The following TAOK3 variants were observed in gnomAD, a reference collection of about 807,000 sequenced individuals.
TAOK3 encodes the protein serine/threonine-protein kinase TAO3.
A neutral mutation model predicts 120.4 loss-of-function variants in TAOK3; 40 were observed. The observed-to-expected ratio is 0.33, with a 90% CI of 0.26 to 0.43. TAOK3 has a LOEUF of 0.43. Among genes scored for constraint, TAOK3 ranks in the 20% least tolerant of loss-of-function variants. TAOK3 has a pLI of 1.00. For missense variants in TAOK3, 821 were observed against 1,112.1 expected, an observed-to-expected ratio of 0.74 and a Z score of 3.72; for synonymous variants, 355 against 387.5, an observed-to-expected ratio of 0.92 and a Z score of 0.99.
At chr12:118,211,433 C>A (rs2038625378) in intron 11 of TAOK3, among the ~76,000 whole-genome samples, 1 of 151,992 alleles carries the variant, frequency 6.6e-6, no homozygotes, top group Non-Finnish European at 1.5e-5. Context: ...GCCTATTCAC[C>A]ATTGGAAACA....
At chr12:118,278,588 A>G (rs947608158) in intron 1 of TAOK3, among the ~76,000 whole-genome samples, 4 of 152,128 alleles carry the variant, frequency 2.6e-5, no homozygotes, top group African/African-American at 7.2e-5. Flanking sequence ...TATTGTGAAA[A>G]GTGCTGCAAT....
At position 118,172,564 on chromosome 12, in the gene TAOK3, C is replaced by A; in HGVS notation, c.1792G>T (p.Ala598Ser). ...AGTCTCTGTTGAGTGAGAAGGTGGG[C>A]TTCCTCTTCAGCCTGTGTGTGCTGC... ...NLQHTQAEEE[A>S]HLLTQQRLYY... Residue 598 changes from alanine to serine, a missense_variant, in exon 17 of 21, where the codon GCC becomes TCC. This residue lies in a region of TAOK3 where 354 missense variants were observed against 572.1 expected (regional missense o/e 0.62). Coordinates refer to ENST00000392533, the MANE Select transcript of TAOK3 (RefSeq NM_016281.4). 2 of 1,614,168 alleles carry A rather than the reference C, an allele frequency of 1.2e-6. No individual in the cohort carries two copies. Among genetic ancestry groups the A allele is most frequent in the Non-Finnish European group, 1.7e-6 (2 of 1,180,024 alleles).
At chr12:118,313,885 T>C (rs2140880207) in intron 1 of TAOK3, among the ~76,000 whole-genome samples, 1 of 152,340 alleles carries the variant, frequency 6.6e-6, no homozygotes, top group South Asian at 2.1e-4. Context: ...GCCATTAAAG[T>C]TGTCTTTGCT....
chr12:118,177,412 C>T, intron 15 of TAOK3, 83 bp from the exon 16 acceptor site: 1 of 1,218,762 alleles, frequency 8.2e-7, no homozygotes, highest in South Asian at 1.4e-5. Flanking sequence ...TGCAGTAAGA[C>T]AGTCCATGAG....
intron 4 of TAOK3, among the ~76,000 whole-genome samples, 153 bp from the exon 5 acceptor site, chr12:118,243,669 TTCTC>T (rs1206057179): frequency 6.6e-6 from 1 of 152,252 alleles, no homozygotes; most frequent in African/African-American, 2.4e-5. Flanking sequence ...TGCTATTTCT[TTCTC>T]TCTCTCTTTT....
At chr12:118,214,313 AAAGCTCCT>A (rs1302679676) in intron 9 of TAOK3, 1 of 510,026 alleles carries the variant, frequency 2.0e-6, no homozygotes, top group African/African-American at 2.0e-5. Flanking sequence ...GTACATTGGC[AAAGCTCCT>A]AACAGAACTC....
intron 14 of TAOK3, 29 bp downstream of exon 14, chr12:118,189,778 G>C (rs776798415): frequency 6.2e-7 from 1 of 1,613,390 alleles, no homozygotes; most frequent in Admixed American, 1.7e-5. Flanking sequence ...GGGAAGGAAG[G>C]GAAGGTGGGT....
chr12:118,196,423 T>C (rs1180115059), intron 13 of TAOK3, among the ~76,000 whole-genome samples: 1 of 151,914 alleles, frequency 6.6e-6, no homozygotes, highest in Non-Finnish European at 1.5e-5. Context: ...TGACTACCAG[T>C]CAAATTAATT....
intron 4 of TAOK3, among the ~76,000 whole-genome samples, chr12:118,243,851 G>A (rs138387137): frequency 2.0e-5 from 3 of 151,904 alleles, no homozygotes; most frequent in Non-Finnish European, 2.9e-5. Context: ...TAATTTTTTT[G>A]TATTTTTAGT....
intron 17 of TAOK3, among the ~76,000 whole-genome samples, chr12:118,169,517 G>A (rs1194469933): frequency 6.6e-6 from 1 of 150,946 alleles, no homozygotes; most frequent in East Asian, 2.0e-4. Flanking sequence ...CACCATGTTG[G>A]CCAGGCTGGT....
chr12:118,246,800 C>T (rs1280075550), intron 3 of TAOK3: 1 of 1,378,684 alleles, frequency 7.3e-7, no homozygotes, highest in East Asian at 2.3e-5. Flanking sequence ...TCGCCAAGGC[C>T]ACCTTTGATG....
chr12:118,219,190 G>A (rs902370077), intron 9 of TAOK3, among the ~76,000 whole-genome samples: 1 of 152,096 alleles, frequency 6.6e-6, no homozygotes, highest in Non-Finnish European at 1.5e-5. Flanking sequence ...TTTCACAAAT[G>A]CTGTTTTCTT....
intron 13 of TAOK3, among the ~76,000 whole-genome samples, chr12:118,191,673 G>A (rs1467615037): frequency 6.6e-6 from 1 of 152,164 alleles, no homozygotes; most frequent in Non-Finnish European, 1.5e-5. Context: ...CTGTTTTACA[G>A]GGAAGAGCGA....
chr12:118,265,435 G>A (rs1270028630), intron 2 of TAOK3, among the ~76,000 whole-genome samples: 1 of 149,256 alleles, frequency 6.7e-6, no homozygotes, highest in Non-Finnish European at 1.5e-5. Context: ...ATATCAGAGA[G>A]GTGAACACAC....
In TAOK3 at chr12:118,160,055, G is replaced by T. The variant is rs931619436; in HGVS notation, c.2352+91C>A. Reference sequence around the variant, plus strand: ...AAAAACATCAATATCCTAAATTTGTGCAAGAATCATCTTGGGAACAACAGG... The same window carrying T: ...AAAAACATCAATATCCTAAATTTGTTCAAGAATCATCTTGGGAACAACAGG... On this transcript the variant is annotated intron_variant, in intron 19 of 20. Coordinates refer to ENST00000392533, the MANE Select transcript of TAOK3 (RefSeq NM_016281.4). This position sits in a 1 kb window ranked among gnomAD's most constrained non-coding sequence, Gnocchi z 4.2. 1.2e-5 allele frequency: 13 copies of T among 1,108,878 alleles called. No individual in the cohort carries two copies. Among genetic ancestry groups the T allele is most frequent in the Admixed American group, 9.3e-5 (5 of 53,786 alleles). 68.7% of individuals were successfully genotyped at this position (1,108,878 alleles called of 1,614,324 possible).
intron 3 of TAOK3, among the ~76,000 whole-genome samples, chr12:118,245,420 T>C (rs936509496): frequency 3.9e-5 from 6 of 152,070 alleles, no homozygotes. Context: ...GGGTTCAAGC[T>C]ATTCTCCTGC....
intron 1 of TAOK3, among the ~76,000 whole-genome samples, chr12:118,304,720 C>T (rs1291084342): frequency 6.6e-6 from 1 of 152,152 alleles, no homozygotes; most frequent in Non-Finnish European, 1.5e-5. Context: ...ATGTTTTTAG[C>T]AATTTGTTCA....
intron 11 of TAOK3, among the ~76,000 whole-genome samples, chr12:118,212,066 G>A (rs1593173423): frequency 2.0e-5 from 3 of 152,258 alleles, no homozygotes; most frequent in Admixed American, 2.0e-4. Flanking sequence ...GTAAAAACTT[G>A]TCACCTAGCC....
chr12:118,193,103 T>C (rs1354856789), intron 13 of TAOK3, among the ~76,000 whole-genome samples: 1 of 127,752 alleles, frequency 7.8e-6, no homozygotes, highest in Non-Finnish European at 1.6e-5. Context: ...CAGGCTGGAG[T>C]GTAGTGGCAC....
Sources: gnomAD v4.1 joint callset for allele counts (sites outside exome capture counted in the v4.1 genomes callset) on GRCh38, gnomAD v4.1.1 for gene constraint, gnomAD v4.1.1 regional missense constraint, Gnocchi (gnomAD v3.1) non-coding constraint, MANE v1.5 for transcripts, NCBI Gene and HGNC (gene_info 2026-07-23, HGNC 2026-07-21) for gene names.